PSME4: variants seen among roughly 807,000 people sequenced by gnomAD.
The protein encoded by PSME4 is proteasome activator subunit 4, also known as proteasome activator complex subunit 4.
A neutral mutation model predicts 253.9 loss-of-function variants in PSME4; 89 were observed. The observed-to-expected ratio is 0.35, with a 90% CI of 0.30 to 0.42. PSME4 has a LOEUF of 0.42. PSME4 is among the 10% of genes least tolerant of loss of function. PSME4 has a pLI of 1.00. For synonymous variants in PSME4, 851 were observed against 759.2 expected, an observed-to-expected ratio of 1.12 and a Z score of -1.99; for missense variants, 2,014 against 2,195.2, an observed-to-expected ratio of 0.92 and a Z score of 1.65.
intron 36 of PSME4, among the ~76,000 whole-genome samples, chr2:53,892,482 C>A (rs867592084): frequency 6.6e-6 from 1 of 152,258 alleles, no homozygotes; most frequent in Non-Finnish European, 1.5e-5. Context: ...CACACGTGCA[C>A]CATCAGCAGA....
At chr2:53,890,760 G>C (rs1348389225) in intron 36 of PSME4, among the ~76,000 whole-genome samples, 3 of 152,224 alleles carry the variant, frequency 2.0e-5, no homozygotes, top group East Asian at 1.9e-4. Context: ...GGGTGCAGTG[G>C]CTCCTGCCTG....
chr2:53,877,319 G>T (rs549064975), intron 41 of PSME4, among the ~76,000 whole-genome samples: 3 of 151,624 alleles, frequency 2.0e-5, no homozygotes, highest in African/African-American at 7.3e-5. Flanking sequence ...AGGCTGAGGT[G>T]GGAAGATTGC....
intron 14 of PSME4, among the ~76,000 whole-genome samples, chr2:53,924,279 A>G (rs937572015): frequency 3.3e-5 from 5 of 152,228 alleles, no homozygotes; most frequent in African/African-American, 1.2e-4. Flanking sequence ...TCATTTCTTT[A>G]TACTAACATA....
chr2:53,965,589 A>T lies in PSME4; in HGVS notation c.242+4954T>A, dbSNP rs545131173. ...TCAAGAGTTCTACTATCAAGGAAGT[A>T]TTTTTTTTTTTAATGAGTGGGGTTT... On this transcript the variant is annotated intron_variant, in intron 1 of 46. Coordinates refer to ENST00000404125, the MANE Select transcript of PSME4 (RefSeq NM_014614.3). Among the ~76,000 whole-genome samples the T allele has an allele frequency of 1.2e-3, 172 of 143,778 alleles. 2 individuals are homozygous for T. The highest frequency in any genetic ancestry group is 4.3e-3 in the African/African-American group (170 of 39,202). The allele number at this position is 143,778 out of a possible 152,430, so 94.3% of individuals were successfully genotyped here.
intron 41 of PSME4, 39 bp downstream of exon 41, chr2:53,885,651 T>C: frequency 6.8e-7 from 1 of 1,466,100 alleles, no homozygotes; most frequent in Non-Finnish European, 9.5e-7. Flanking sequence ...CTTATGAAGG[T>C]CAAAAGGAGA....
chr2:53,883,827 C>T (rs1007802906), intron 41 of PSME4, among the ~76,000 whole-genome samples: 3 of 151,806 alleles, frequency 2.0e-5, no homozygotes, highest in Non-Finnish European at 4.4e-5. Flanking sequence ...CTGTTGATGA[C>T]ATTTAAGTTT....
In PSME4 at chr2:53,886,546, A is replaced by C. The variant is rs534785507; in HGVS notation, c.4729+713T>G. On this transcript the variant is annotated intron_variant, in intron 40 of 46. Transcript: ENST00000404125. ...AAGATGGCTATACTTTAAAAAAGCA[A>C]GCAAACAAACAAAACAGGTGGCGAG... 4.8e-4 allele frequency among the ~76,000 whole-genome samples: 73 copies of C among 152,378 alleles called. 1 individual carries two copies. The South Asian group carries it at 0.015, about 31-fold the overall frequency.
At chr2:53,943,845 T>C (rs1329740377) in intron 3 of PSME4, among the ~76,000 whole-genome samples, 28 of 25,526 alleles carry the variant, frequency 1.1e-3, no homozygotes, top group Non-Finnish European at 2.0e-3. Context: ...AAACTCCATC[T>C]CAAAAAAAAA....
intron 20 of PSME4, among the ~76,000 whole-genome samples, chr2:53,915,877 C>T (rs905120405): frequency 2.6e-5 from 4 of 151,998 alleles, no homozygotes; most frequent in Non-Finnish European, 5.9e-5. Flanking sequence ...TCGAGACCAG[C>T]CTGGCCAACA....
At chr2:53,926,522 A>G (rs1259731671) in intron 12 of PSME4, among the ~76,000 whole-genome samples, 1 of 152,116 alleles carries the variant, frequency 6.6e-6, no homozygotes, top group Non-Finnish European at 1.5e-5. Flanking sequence ...AAAAATACAC[A>G]TATACACAAT....
chr2:53,967,333 A>G (rs1670782272), intron 1 of PSME4, among the ~76,000 whole-genome samples: 1 of 152,038 alleles, frequency 6.6e-6, no homozygotes. Context: ...TTCTAAATGG[A>G]CTGAACTACT....
intron 1 of PSME4, among the ~76,000 whole-genome samples, chr2:53,954,298 A>C (rs1382613350): frequency 6.6e-6 from 1 of 151,684 alleles, no homozygotes; most frequent in Non-Finnish European, 1.5e-5. Context: ...GCTGCACTCC[A>C]GCCTGGGCAA....
chr2:53,911,655 C>T (rs965019708), intron 20 of PSME4, among the ~76,000 whole-genome samples: 2 of 151,688 alleles, frequency 1.3e-5, no homozygotes, highest in Non-Finnish European at 2.9e-5. Context: ...GTATGTGTCT[C>T]CCCACTGCTG....
chr2:53,872,844 A>C (rs1177338994), intron 43 of PSME4, among the ~76,000 whole-genome samples: 5 of 150,974 alleles, frequency 3.3e-5, no homozygotes, highest in African/African-American at 1.2e-4. Flanking sequence ...AAACAATGAC[A>C]AGGTCATTGT....
Position 53,901,496 on chromosome 2 carries a change from C to A in PSME4, c.3139G>T (p.Asp1047Tyr). 3 of 1,613,992 alleles carry A rather than the reference C, an allele frequency of 1.9e-6. No homozygotes were observed. The highest frequency in any genetic ancestry group is 2.5e-6 in the Non-Finnish European group (3 of 1,179,948). The change falls in exon 28 of 47, where the codon GAC becomes TAC. Residue 1047 changes from aspartate to tyrosine, a missense_variant. Physicochemically the swap from Asp to Tyr is radical, Grantham distance 160 (BLOSUM62 -3). Transcript: ENST00000404125. Reference sequence around the variant, plus strand: ...GCTGGCCACGTCTGTACAATACAGTCCCAATCATGAAGGTTTGCCAAGCAC... The same window carrying A: ...GCTGGCCACGTCTGTACAATACAGTACCAATCATGAAGGTTTGCCAAGCAC... ...GVCLANLHDW[D>Y]CIVQTWPAIV...
intron 14 of PSME4, among the ~76,000 whole-genome samples, chr2:53,923,749 C>A (rs991390506): frequency 6.6e-6 from 1 of 151,840 alleles, no homozygotes; most frequent in African/African-American, 2.4e-5. Flanking sequence ...ATGGCGAAAC[C>A]CTGTCTCCAC....
intron 4 of PSME4, 108 bp downstream of exon 4, chr2:53,939,848 C>A (rs1669303554): frequency 1.1e-6 from 1 of 910,362 alleles, no homozygotes. Context: ...ACTAACATCA[C>A]AATGTCAGGA....
chr2:53,901,227 T>A lies in PSME4; in HGVS notation c.3285+123A>T, dbSNP rs879000251. 1.7e-5 allele frequency: 15 copies of A among 908,862 alleles called. No individual in the cohort carries two copies. In the South Asian group the frequency reaches 2.4e-4, roughly 14 times the overall value. The allele number at this position is 908,862 out of a possible 1,614,324, so 56.3% of individuals were successfully genotyped here. ...AGCAAACAGGTAACAAACGCTTTTT[T>A]AAAAAAACACTGGACTCAAATGCCA... On this transcript the variant is annotated intron_variant, in intron 28 of 46. Coordinates refer to ENST00000404125, the MANE Select transcript of PSME4 (RefSeq NM_014614.3).
intron 41 of PSME4, among the ~76,000 whole-genome samples, chr2:53,883,318 G>T (rs560186592): frequency 6.6e-6 from 1 of 152,284 alleles, no homozygotes; most frequent in South Asian, 2.1e-4. Context: ...TAGACAACAT[G>T]AGACCCCATC....
Sources: allele counts gnomAD v4.1 joint callset (sites outside exome capture counted in the v4.1 genomes callset), GRCh38; gene constraint gnomAD v4.1.1; transcripts MANE v1.5; gene names NCBI Gene and HGNC (gene_info 2026-07-23, HGNC 2026-07-21).